The following FSTL5 variants were observed in gnomAD, a reference collection of about 807,000 sequenced individuals.
FSTL5 encodes follistatin-related protein 5.
A neutral mutation model predicts 89.1 loss-of-function variants in FSTL5; 62 were observed. That is an observed-to-expected ratio of 0.70 (90% CI 0.57 to 0.86). FSTL5 has a LOEUF of 0.86. Ranked by LOEUF, FSTL5 falls within the 40% of genes least tolerant of loss-of-function variation. The probability of loss-of-function intolerance (pLI) is 0.00; values close to 1 mark genes in which losing one functional copy is unlikely to be tolerated. For synonymous variants in FSTL5, 383 were observed against 346.2 expected, an observed-to-expected ratio of 1.11 and a Z score of -1.18; for missense variants, 1,057 against 1,001.6, an observed-to-expected ratio of 1.06 and a Z score of -0.75.
intron 6 of FSTL5, among the ~76,000 whole-genome samples, chr4:161,673,784 ATTT>A (rs1289424004): frequency 1.3e-5 from 2 of 151,896 alleles, no homozygotes; most frequent in African/African-American, 4.8e-5. Flanking sequence ...TTAAATGATT[ATTT>A]TTAAGGATAT....
chr4:162,150,291 C>A (rs12512991), intron 1 of FSTL5, among the ~76,000 whole-genome samples: 6,360 of 152,058 alleles, frequency 0.042, 144 homozygotes, highest in Admixed American at 0.05. Flanking sequence ...ATCATTGGAG[C>A]CTTTTGAGCC....
intron 4 of FSTL5, among the ~76,000 whole-genome samples, chr4:161,779,821 A>G (rs187924666): frequency 0.37 from 22,945 of 62,626 alleles, 3,674 homozygotes; most frequent in Non-Finnish European, 0.46. Context: ...GTATATATAT[A>G]TATATATATA....
intron 15 of FSTL5, among the ~76,000 whole-genome samples, chr4:161,408,092 A>C (rs17338054): frequency 0.11 from 16,206 of 152,136 alleles, 860 homozygotes; most frequent in Non-Finnish European, 0.12. Context: ...CTGTCCCTCC[A>C]TCCGCAGGGT....
chr4:162,056,517 T>G (rs879479517), intron 2 of FSTL5, among the ~76,000 whole-genome samples: 2 of 152,082 alleles, frequency 1.3e-5, no homozygotes, highest in African/African-American at 2.4e-5. Flanking sequence ...ATATGATGTA[T>G]GCGGTATATT....
chr4:161,867,095 C>T (rs1732115915), intron 4 of FSTL5, among the ~76,000 whole-genome samples: 1 of 151,944 alleles, frequency 6.6e-6, no homozygotes, highest in African/African-American at 2.4e-5. Context: ...TTCAGAGCCT[C>T]AGTTCAAATT....
chr4:161,755,962 A>G (rs1390476893), intron 6 of FSTL5, among the ~76,000 whole-genome samples: 2 of 152,180 alleles, frequency 1.3e-5, no homozygotes, highest in East Asian at 1.9e-4. Context: ...AAAGAAATCG[A>G]TAAGTATTTA....
chr4:161,839,451 A>G (rs1432710477), intron 4 of FSTL5, among the ~76,000 whole-genome samples: 2 of 152,216 alleles, frequency 1.3e-5, no homozygotes, highest in African/African-American at 4.8e-5. Context: ...AAATGTGTGA[A>G]TGAATAAACA....
chr4:161,950,762 C>T (rs1386451502), intron 3 of FSTL5, among the ~76,000 whole-genome samples: 1 of 152,094 alleles, frequency 6.6e-6, no homozygotes, highest in Non-Finnish European at 1.5e-5. Context: ...TCTACTCTGT[C>T]TTTTGGCCTG....
intron 3 of FSTL5, among the ~76,000 whole-genome samples, chr4:161,935,089 C>A (rs1734395479): frequency 6.6e-6 from 1 of 152,010 alleles, no homozygotes; most frequent in Non-Finnish European, 1.5e-5. Flanking sequence ...ATATTTTAGG[C>A]AATTTCCTGT....
chr4:161,971,017 T>C (rs1046980853), intron 3 of FSTL5, among the ~76,000 whole-genome samples: 3 of 151,152 alleles, frequency 2.0e-5, no homozygotes, highest in African/African-American at 7.2e-5. Flanking sequence ...AATTACTTTT[T>C]CATCTGGGTA....
At chr4:161,931,833 G>C (rs1734293591) in intron 3 of FSTL5, among the ~76,000 whole-genome samples, 1 of 151,880 alleles carries the variant, frequency 6.6e-6, no homozygotes, top group Admixed American at 6.6e-5. Flanking sequence ...TTTGTTAACA[G>C]CAACAACATT....
intron 4 of FSTL5, among the ~76,000 whole-genome samples, chr4:161,864,113 A>G (rs1369079953): frequency 6.6e-6 from 1 of 152,170 alleles, no homozygotes; most frequent in Non-Finnish European, 1.5e-5. Flanking sequence ...TATCCTTTAG[A>G]AACAGATTAC....
At chr4:161,477,149 T>A (rs1729301575) in intron 13 of FSTL5, among the ~76,000 whole-genome samples, 2 of 151,890 alleles carry the variant, frequency 1.3e-5, no homozygotes, top group South Asian at 4.2e-4. Flanking sequence ...AATTATTTTT[T>A]AAATTTCCAC....
At chr4:161,866,876 T>C (rs1037859628) in intron 4 of FSTL5, among the ~76,000 whole-genome samples, 3 of 151,924 alleles carry the variant, frequency 2.0e-5, no homozygotes, top group Non-Finnish European at 2.9e-5. Flanking sequence ...TAAATGATGA[T>C]TTTTATAATT....
intron 6 of FSTL5, among the ~76,000 whole-genome samples, chr4:161,748,955 GC>G (rs1273674464): frequency 2.6e-5 from 4 of 151,972 alleles, no homozygotes; most frequent in African/African-American, 9.7e-5. Flanking sequence ...TCGGATAAAT[GC>G]AAATTAAAAC....
At chr4:162,006,196 T>C (rs1228503428) in intron 3 of FSTL5, among the ~76,000 whole-genome samples, 1 of 152,072 alleles carries the variant, frequency 6.6e-6, no homozygotes, top group African/African-American at 2.4e-5. Flanking sequence ...TGCTTTATAC[T>C]TGTTTGGGTA....
intron 4 of FSTL5, among the ~76,000 whole-genome samples, chr4:161,852,126 C>T (rs577982904): frequency 7.9e-5 from 12 of 151,940 alleles, no homozygotes; most frequent in Admixed American, 7.2e-4. Context: ...GACACTGACC[C>T]TCACCCTTTC....
chr4:161,434,437 C>T (rs1732485595), intron 15 of FSTL5, among the ~76,000 whole-genome samples: 1 of 151,970 alleles, frequency 6.6e-6, no homozygotes, highest in South Asian at 2.1e-4. Context: ...AATATGAGAC[C>T]TCAAAATATA....
Position 161,690,285 on chromosome 4 carries a change from T to C in FSTL5, c.728-33791A>G, listed in dbSNP as rs140898452. 1.9e-4 allele frequency among the ~76,000 whole-genome samples: 29 copies of C among 152,308 alleles called. No individual in the cohort carries two copies. In the East Asian group the frequency reaches 5.4e-3, roughly 28 times the overall value. On this transcript the variant is annotated intron_variant, in intron 6 of 15. Coordinates refer to ENST00000306100, the MANE Select transcript of FSTL5 (RefSeq NM_020116.5). ...CTATACCTGTTATGTTTTCATCTTG[T>C]ATTTAACATGTTGTTAGATAATATT...
Sources: allele counts gnomAD v4.1 joint callset (sites outside exome capture counted in the v4.1 genomes callset), GRCh38; gene constraint gnomAD v4.1.1; transcripts MANE v1.5; gene names NCBI Gene and HGNC (gene_info 2026-07-23, HGNC 2026-07-21).